The following GRAMD1B variants were observed in gnomAD, a reference collection of about 807,000 sequenced individuals.
GRAMD1B encodes GRAM domain containing 1B, also known as protein Aster-B.
A neutral mutation model predicts 99.7 loss-of-function variants in GRAMD1B; 37 were observed. The observed-to-expected ratio is 0.37, with a 90% CI of 0.29 to 0.49. The LOEUF is 0.49. Ranked by LOEUF, GRAMD1B falls within the 20% of genes least tolerant of loss-of-function variation. The probability of loss-of-function intolerance (pLI) is 0.98; values close to 1 mark genes in which losing one functional copy is unlikely to be tolerated. For missense variants in GRAMD1B, 888 were observed against 1,009.2 expected, an observed-to-expected ratio of 0.88 and a Z score of 1.63; for synonymous variants, 427 against 387.6, an observed-to-expected ratio of 1.10 and a Z score of -1.19.
chr11:123,586,585 C>G (rs913023334), intron 4 of GRAMD1B, among the ~76,000 whole-genome samples: 8 of 152,226 alleles, frequency 5.3e-5, no homozygotes, highest in African/African-American at 1.7e-4. Flanking sequence ...GTGTGCAGTG[C>G]TCATGTCCGT....
intron 1 of GRAMD1B, among the ~76,000 whole-genome samples, chr11:123,397,194 A>T (rs1947495332): frequency 6.6e-6 from 1 of 152,186 alleles, no homozygotes. Flanking sequence ...ACCTGAGGTC[A>T]GGAGTTCGAG....
At chr11:123,611,204 G>A (rs1263930910) in intron 14 of GRAMD1B, among the ~76,000 whole-genome samples, 2 of 126,126 alleles carry the variant, frequency 1.6e-5, no homozygotes, top group East Asian at 2.1e-4. Context: ...GGAGGCTTAC[G>A]CAGGAGGGAT....
chr11:123,569,101 G>A (rs563876114), intron 2 of GRAMD1B, among the ~76,000 whole-genome samples: 1 of 140,544 alleles, frequency 7.1e-6, no homozygotes, highest in South Asian at 2.5e-4. Flanking sequence ...TAACTCCTTG[G>A]TGGACAGTCG....
At chr11:123,620,473 A>AC (rs71060522) in intron 19 of GRAMD1B, among the ~76,000 whole-genome samples, 7 of 19,888 alleles carry the variant, frequency 3.5e-4, no homozygotes, top group Non-Finnish European at 1.3e-3. Context: ...ACTTCATCTC[A>AC]AAAAAAAAAA....
intron 2 of GRAMD1B, among the ~76,000 whole-genome samples, chr11:123,536,481 G>C (rs1418068689): frequency 6.6e-6 from 1 of 152,104 alleles, no homozygotes; most frequent in Admixed American, 6.5e-5. Flanking sequence ...TACCCCAGAG[G>C]GCTGTTGTGA....
At chr11:123,369,671 T>G (rs1946454172) in intron 1 of GRAMD1B, among the ~76,000 whole-genome samples, 1 of 151,854 alleles carries the variant, frequency 6.6e-6, no homozygotes, top group African/African-American at 2.4e-5. Flanking sequence ...CAGGAGTTCG[T>G]GACCAGCCTG....
chr11:123,539,018 G>T (rs1228144250), intron 2 of GRAMD1B, among the ~76,000 whole-genome samples: 1 of 151,942 alleles, frequency 6.6e-6, no homozygotes, highest in Non-Finnish European at 1.5e-5. Context: ...CCAAGTTGTA[G>T]CATGTATCAG....
chr11:123,409,649 G>A (rs536856731), intron 1 of GRAMD1B, among the ~76,000 whole-genome samples: 1 of 152,316 alleles, frequency 6.6e-6, no homozygotes, highest in African/African-American at 2.4e-5. Flanking sequence ...CTAATTACCT[G>A]TAGACAGATG....
At chr11:123,402,218 G>A (rs553466449) in intron 1 of GRAMD1B, among the ~76,000 whole-genome samples, 18 of 152,230 alleles carry the variant, frequency 1.2e-4, no homozygotes, top group African/African-American at 4.1e-4. Context: ...GTTTCACCAT[G>A]TTGGCCAGGC....
chr11:123,533,403 T>C (rs1943621832), intron 2 of GRAMD1B, among the ~76,000 whole-genome samples: 1 of 151,984 alleles, frequency 6.6e-6, no homozygotes, highest in Non-Finnish European at 1.5e-5. Flanking sequence ...ATTCACTCTA[T>C]ATTTTATTTA....
At chr11:123,366,163 C>T (rs953739707) in intron 1 of GRAMD1B, among the ~76,000 whole-genome samples, 6 of 152,202 alleles carry the variant, frequency 3.9e-5, no homozygotes, top group Admixed American at 6.5e-5. Flanking sequence ...TTTGCATGCA[C>T]GAGCTTCCTG....
intron 1 of GRAMD1B, among the ~76,000 whole-genome samples, chr11:123,361,343 T>G (rs961973123): frequency 6.6e-6 from 1 of 152,230 alleles, no homozygotes; most frequent in Non-Finnish European, 1.5e-5. Context: ...CGGCTGCTTT[T>G]GCACAGGTGG....
intron 1 of GRAMD1B, among the ~76,000 whole-genome samples, chr11:123,464,946 T>C (rs1399097013): frequency 1.3e-5 from 2 of 151,530 alleles, no homozygotes; most frequent in African/African-American, 4.9e-5. Context: ...GAAGTGAGGG[T>C]GTGGGAGGCG....
chr11:123,482,777 G>T (rs748144951), intron 2 of GRAMD1B, among the ~76,000 whole-genome samples: 1 of 151,974 alleles, frequency 6.6e-6, no homozygotes, highest in Non-Finnish European at 1.5e-5. Flanking sequence ...AGTTGGTTGC[G>T]GCCCTCTGAG....
At chr11:123,421,610 T>C (rs1948437795) in intron 1 of GRAMD1B, among the ~76,000 whole-genome samples, 1 of 152,248 alleles carries the variant, frequency 6.6e-6, no homozygotes, top group Non-Finnish European at 1.5e-5. Flanking sequence ...CAGGCTATAA[T>C]TCTGTCACCT....
intron 2 of GRAMD1B, among the ~76,000 whole-genome samples, chr11:123,507,764 T>C (rs1054892621): frequency 6.6e-6 from 1 of 152,194 alleles, no homozygotes; most frequent in African/African-American, 2.4e-5. Context: ...TAATTTGCCA[T>C]CTTCAGTTTA....
At chr11:123,619,260 T>G in intron 19 of GRAMD1B, 36 bp downstream of exon 19, 1 of 1,549,146 alleles carries the variant, frequency 6.5e-7, no homozygotes, top group Non-Finnish European at 8.7e-7. Context: ...GCCCTGGTCT[T>G]TGGGAGCGGG....
At chr11:123,619,429 A>G in intron 19 of GRAMD1B, 1 of 1,385,674 alleles carries the variant, frequency 7.2e-7, no homozygotes. Context: ...AAAAAATAAG[A>G]ACAATAAAAT....
chr11:123,548,393 C>T (rs1945294491), intron 2 of GRAMD1B, among the ~76,000 whole-genome samples: 1 of 148,404 alleles, frequency 6.7e-6, no homozygotes, highest in Non-Finnish European at 1.5e-5. Flanking sequence ...CACACCCAGA[C>T]AGGACCTGGC....
Sources: gnomAD v4.1 joint callset for allele counts (sites outside exome capture counted in the v4.1 genomes callset) on GRCh38, gnomAD v4.1.1 for gene constraint, MANE v1.5 for transcripts, NCBI Gene and HGNC (gene_info 2026-07-23, HGNC 2026-07-21) for gene names.